Variants in FOSB observed in about 807,000 individuals in gnomAD.
FOSB encodes the protein protein FosB.
A neutral mutation model predicts 31.1 loss-of-function variants in FOSB; 8 were observed. That is an observed-to-expected ratio of 0.26 (90% CI 0.15 to 0.46). FOSB has a LOEUF of 0.46. FOSB is among the 20% of genes least tolerant of loss of function. The probability of loss-of-function intolerance (pLI) is 0.99; values close to 1 mark genes in which losing one functional copy is unlikely to be tolerated. For missense variants in FOSB, 376 were observed against 460.6 expected (o/e 0.82, Z 1.68); for synonymous variants, 214 against 206.1 (o/e 1.04, Z -0.33).
At chr19:45,469,086 G>C (rs933305001) in intron 1 of FOSB, among the ~76,000 whole-genome samples, 1 of 152,226 alleles carries the variant, frequency 6.6e-6, no homozygotes, top group Non-Finnish European at 1.5e-5. Context: ...GGAAATCCCG[G>C]GGAAGCTTCC....
intron 1 of FOSB, chr19:45,470,086 G>C (rs1157970706): frequency 3.9e-5 from 6 of 154,840 alleles, no homozygotes; most frequent in African/African-American, 1.4e-4. Flanking sequence ...AACTTGAAAC[G>C]TTGTTCTAAA....
chr19:45,469,884 G>C (rs945921268), intron 1 of FOSB: 1 of 152,246 alleles, frequency 6.6e-6, no homozygotes, highest in Non-Finnish European at 1.5e-5. Flanking sequence ...CGAGAGAGTA[G>C]TTAAGCCTTC....
rs1237044764 is a variant in FOSB, at chr19:45,468,991, A to G, written c.126+279A>G. Among the ~76,000 whole-genome samples the G allele has an allele frequency of 6.6e-6, 1 of 152,196 alleles. No homozygotes were observed. The highest frequency in any genetic ancestry group is 1.5e-5 in the Non-Finnish European group (1 of 68,020). On this transcript the variant is annotated intron_variant, in intron 1 of 3. Transcript: ENST00000353609. The surrounding 1 kb of genome is among the most constrained non-coding windows in gnomAD (Gnocchi z 4.8). ...CTGCTCAATGCAACGTGTATGCGGT[A>G]GCGGGGCTGAGAACTTTGAGCCGGC... is the stretch of plus-strand genomic sequence containing the variant.
chr19:45,470,735 C>T lies in FOSB; in HGVS notation c.233C>T (p.Ser78Phe), dbSNP rs1326398085. The change falls in exon 2 of 4, where the codon TCC becomes TTC. Residue 78 changes from serine to phenylalanine, a missense_variant. Coordinates refer to ENST00000353609, the MANE Select transcript of FOSB (RefSeq NM_006732.3). Reference sequence around the variant, plus strand: ...CTTGTGCAACCCACCCTCATCTCTTCCATGGCCCAGTCCCAGGGGCAGCCA... The same window carrying T: ...CTTGTGCAACCCACCCTCATCTCTTTCATGGCCCAGTCCCAGGGGCAGCCA... ...QWLVQPTLISSMAQSQGQPLA... is the reference protein window; with the variant it reads ...QWLVQPTLISFMAQSQGQPLA... 6.2e-7 allele frequency: 1 copy of T among 1,613,360 alleles called. No homozygotes were observed. Among genetic ancestry groups the T allele is most frequent in the East Asian group, 2.2e-5 (1 of 44,896 alleles).
At chr19:45,471,365 C>T in intron 3 of FOSB, 64 bp downstream of exon 3, 3 of 1,136,544 alleles carry the variant, frequency 2.6e-6, no homozygotes, top group Non-Finnish European at 2.6e-6. Context: ...ATTCTCTGCC[C>T]CCTCTCCACC....
At chr19:45,470,584 T>C (rs2122148712) in intron 1 of FOSB, 45 bp from the exon 2 acceptor site, 1 of 1,536,208 alleles carries the variant, frequency 6.5e-7, no homozygotes. Context: ...TGTCGGTGTC[T>C]TTGTTTGTGT....
At position 45,470,918 on chromosome 19, in the gene FOSB, G is replaced by A. The variant is rs754837542; in HGVS notation, c.416G>A (p.Arg139Gln). The A allele has an allele frequency of 2.5e-5, 41 of 1,613,042 alleles. No individual in the cohort carries two copies. Among genetic ancestry groups the A allele is most frequent in the Non-Finnish European group, 3.1e-5 (36 of 1,180,004 alleles). ...TSGPGPARPA[R>Q]ARPRRPREET... ...GGGCCTGGGCCTGCCCGCCCAGCCC[G>A]AGCCCGGCCTAGGAGACCCCGAGAG... is the stretch of plus-strand genomic sequence containing the variant. The change falls in exon 2 of 4, where the codon CGA becomes CAA. Residue 139 changes from arginine to glutamine, a missense_variant. By Grantham distance (43) the Arg-to-Gln change is conservative. Transcript: ENST00000353609.
At position 45,472,612 on chromosome 19, in the gene FOSB, A is replaced by G. The variant is rs780414670; in HGVS notation, c.617A>G (p.Lys206Arg). 7.1e-6 allele frequency: 11 copies of G among 1,545,486 alleles called. No homozygotes were observed. The Middle Eastern group carries it at 7.3e-4, about 102-fold the overall frequency. Reference sequence around the variant, plus strand: ...GAGTCGGAGATCGCCGAGCTCCAAAAGGAGAAGGAACGTCTGGAGTTTGTG... The same window carrying G: ...GAGTCGGAGATCGCCGAGCTCCAAAGGGAGAAGGAACGTCTGGAGTTTGTG... ...ELESEIAELQ[K>R]EKERLEFVLV... The change falls in exon 4 of 4, where the codon AAG becomes AGG. Residue 206 changes from lysine (K) to arginine (R), a missense_variant. Physicochemically the swap from Lys to Arg is conservative, Grantham distance 26. Transcript: ENST00000353609. The surrounding 1 kb of genome is among the most constrained non-coding windows in gnomAD (Gnocchi z 5.4).
chr19:45,470,516 C>T (rs139180415), intron 1 of FOSB, 113 bp from the exon 2 acceptor site: 4 of 1,077,618 alleles, frequency 3.7e-6, no homozygotes, highest in Admixed American at 2.2e-5. Context: ...CATCCACACT[C>T]GCTCACCCTG....
intron 1 of FOSB, among the ~76,000 whole-genome samples, chr19:45,469,463 C>G (rs569980426): frequency 1.6e-3 from 237 of 152,338 alleles, no homozygotes; most frequent in Non-Finnish European, 2.5e-3. Context: ...TTCCTTCCCC[C>G]CTCTCTGTCC....
rs200371207 is a variant in FOSB at position 45,473,038 on chromosome 19, A to C, written c.*26A>C. ...ACTCTTTAGACACACAAAACAAACA[A>C]ACACATGGGGGAGAGAGACTTGGAA... On this transcript the variant is annotated 3_prime_UTR_variant, in exon 4 of 4. Transcript: ENST00000353609. The C allele has an allele frequency of 1.1e-5, 17 of 1,568,300 alleles. No homozygotes were observed. Among genetic ancestry groups the C allele is most frequent in the African/African-American group, 5.4e-5 (4 of 74,296 alleles).
At position 45,468,745 on chromosome 19, in the gene FOSB, A is replaced by G; in HGVS notation, c.126+33A>G. 1 of 1,564,276 alleles carries G rather than the reference A, an allele frequency of 6.4e-7. No homozygotes were observed. The highest frequency in any genetic ancestry group is 8.6e-7 in the Non-Finnish European group (1 of 1,159,390). ...TTTGATAGTAGGGGTGCTGCTTTGT[A>G]GGTTTTATTTTTTAAGTCAAGGGTG... On this transcript the variant is annotated intron_variant, in intron 1 of 3. Transcript: ENST00000353609. This position sits in a 1 kb window ranked among gnomAD's most constrained non-coding sequence, Gnocchi z 4.8.
chr19:45,468,530 G>A lies in FOSB; in HGVS notation c.-57G>A. The A allele has an allele frequency of 1.9e-6, 3 of 1,564,400 alleles. No homozygotes were observed. Among genetic ancestry groups the A allele is most frequent in the South Asian group, 1.2e-5 (1 of 84,172 alleles). ...ACCTTACTTCCCCAACCCGGCCATA[G>A]CCTTGGCTTCCCGGCGACCTCAGCG... On this transcript the variant is annotated 5_prime_UTR_variant, in exon 1 of 4. Transcript: ENST00000353609. The surrounding 1 kb of genome is among the most constrained non-coding windows in gnomAD (Gnocchi z 4.8).
Position 45,472,726 on chromosome 19 carries a change from C to T in FOSB, c.731C>T (p.Ser244Leu), listed in dbSNP as rs1967723171. ...PLAEVRDLPG[S>L]APAKEDGFSW... ...GCGGAGGTGAGAGATTTGCCGGGCT[C>T]AGCACCGGCTAAGGAAGATGGCTTC... Residue 244 changes from serine (S) to leucine (L), a missense_variant, in exon 4 of 4, where the codon TCA (serine) becomes TTA (leucine). Ser to Leu is a moderately radical substitution (Grantham distance 145). Around this residue, in one of 3 missense-constraint regions of FOSB, gnomAD observed 148 missense variants for 170.0 expected, o/e 0.87. Coordinates refer to ENST00000353609, the MANE Select transcript of FOSB (RefSeq NM_006732.3). The surrounding 1 kb of genome is among the most constrained non-coding windows in gnomAD (Gnocchi z 5.4). 1 of 1,612,818 alleles carries T rather than the reference C, an allele frequency of 6.2e-7. No individual in the cohort carries two copies. The highest frequency in any genetic ancestry group is 8.5e-7 in the Non-Finnish European group (1 of 1,179,330).
rs957488858 is a variant in FOSB, at chr19:45,474,439, T to C, written c.*1427T>C. 6.6e-6 allele frequency: 1 copy of C among 152,486 alleles called. No homozygotes were observed. Among genetic ancestry groups the C allele is most frequent in the African/African-American group, 2.4e-5 (1 of 41,394 alleles). 9.4% of individuals were successfully genotyped at this position (152,486 alleles called of 1,614,324 possible). A position where few individuals can be genotyped will look rare whatever the true frequency, so the allele number is the denominator to read the frequency against. ...TGAGGCAAATTTATATTTTTTAATA[T>C]CGGGGGGTGGACCACGCCGCCCTCC... On this transcript the variant is annotated 3_prime_UTR_variant, in exon 4 of 4. Transcript: ENST00000353609.
chr19:45,470,561 T>G, intron 1 of FOSB, 68 bp from the exon 2 acceptor site: 1 of 1,438,638 alleles, frequency 7.0e-7, no homozygotes, highest in South Asian at 1.3e-5. Context: ...GTTATGTGTG[T>G]TGGGTGTGTG....
At position 45,470,876 on chromosome 19, in the gene FOSB, C is replaced by G. The variant is rs1316642731; in HGVS notation, c.374C>G (p.Thr125Ser). 1.8e-5 allele frequency: 29 copies of G among 1,613,868 alleles called. No homozygotes were observed. Among genetic ancestry groups the G allele is most frequent in the Non-Finnish European group, 2.4e-5 (28 of 1,180,034 alleles). The change falls in exon 2 of 4, where the codon ACC (threonine) becomes AGC (serine). Residue 125 changes from threonine (T) to serine (S), a missense_variant. Physicochemically the swap from Thr to Ser is moderately conservative, Grantham distance 58 (BLOSUM62 1). Coordinates refer to ENST00000353609, the MANE Select transcript of FOSB (RefSeq NM_006732.3). ...GCGAGTGGCAGTGGTGGGCCTTCCA[C>G]CAGCGGAACTACCAGTGGGCCTGGG... Reference protein sequence around the residue: ...GGASGSGGPSTSGTTSGPGPA... With the variant: ...GGASGSGGPSSSGTTSGPGPA...
chr19:45,471,494 G>T (rs865985278), intron 3 of FOSB, 193 bp downstream of exon 3: 2 of 415,276 alleles, frequency 4.8e-6, no homozygotes, highest in Admixed American at 3.8e-5. Context: ...GTCAACTCCT[G>T]GTCCCCCCCC....
At position 45,472,754 on chromosome 19, in the gene FOSB, C is replaced by T. The variant is rs151110067; in HGVS notation, c.759C>T (p.Ser253=). 6.8e-6 allele frequency: 11 copies of T among 1,613,778 alleles called. No homozygotes were observed. Among genetic ancestry groups the T allele is most frequent in the Non-Finnish European group, 9.3e-6 (11 of 1,179,930 alleles). ...CACCGGCTAAGGAAGATGGCTTCAG[C>T]TGGCTGCTGCCGCCCCCGCCACCAC... ...GSAPAKEDGF[S]WLLPPPPPPP... The change falls in exon 4 of 4, where the codon AGC becomes AGT. Residue 253 remains serine, a synonymous_variant. Coordinates refer to ENST00000353609, the MANE Select transcript of FOSB (RefSeq NM_006732.3). This position sits in a 1 kb window ranked among gnomAD's most constrained non-coding sequence, Gnocchi z 5.4.
Sources: gnomAD v4.1 joint callset for allele counts (sites outside exome capture counted in the v4.1 genomes callset) on GRCh38, gnomAD v4.1.1 for gene constraint, gnomAD v4.1.1 regional missense constraint, Gnocchi (gnomAD v3.1) non-coding constraint, MANE v1.5 for transcripts, NCBI Gene and HGNC (gene_info 2026-07-23, HGNC 2026-07-21) for gene names.